ADAMTSL3: variants seen among roughly 807,000 people sequenced by gnomAD.
The protein encoded by ADAMTSL3 is ADAMTS like 3.
A neutral mutation model predicts 201.7 loss-of-function variants in ADAMTSL3; 128 were observed. The observed-to-expected ratio is 0.63, with a 90% CI of 0.55 to 0.73. The LOEUF is 0.73. Among genes scored for constraint, ADAMTSL3 ranks in the 30% least tolerant of loss-of-function variants. The probability of loss-of-function intolerance (pLI) is 0.00; values close to 1 mark genes in which losing one functional copy is unlikely to be tolerated. For missense variants in ADAMTSL3, 1,990 were observed against 2,119.6 expected (o/e 0.94, Z 1.20); for synonymous variants, 738 against 748.4 (o/e 0.99, Z 0.23).
chr15:83,800,547 T>C (rs2063500861), intron 4 of ADAMTSL3, among the ~76,000 whole-genome samples: 1 of 152,254 alleles, frequency 6.6e-6, no homozygotes, highest in South Asian at 2.1e-4. Flanking sequence ...AGTTTCTTTT[T>C]ACAAGAACAG....
At chr15:84,036,365 G>A (rs755178355) in intron 28 of ADAMTSL3, among the ~76,000 whole-genome samples, 16 of 152,178 alleles carry the variant, frequency 1.1e-4, no homozygotes, top group African/African-American at 2.9e-4. Flanking sequence ...TGTTTTGAGC[G>A]CTTACAAACA....
At chr15:84,012,915 A>G (rs1233104965) in intron 23 of ADAMTSL3, among the ~76,000 whole-genome samples, 3 of 152,234 alleles carry the variant, frequency 2.0e-5, no homozygotes, top group Admixed American at 6.5e-5. Flanking sequence ...GTTGAAATCT[A>G]AAGGGCTTTG....
At chr15:83,736,171 C>T (rs901203539) in intron 3 of ADAMTSL3, among the ~76,000 whole-genome samples, 1 of 152,166 alleles carries the variant, frequency 6.6e-6, no homozygotes, top group Non-Finnish European at 1.5e-5. Flanking sequence ...GGTGGGATTA[C>T]ACTGGATTTT....
intron 2 of ADAMTSL3, among the ~76,000 whole-genome samples, chr15:83,692,503 G>A (rs543698458): frequency 2.4e-4 from 36 of 151,908 alleles, no homozygotes; most frequent in African/African-American, 8.0e-4. Flanking sequence ...GGCTAACACC[G>A]TGAAACCCTG....
At chr15:83,706,818 C>T (rs557512691) in intron 3 of ADAMTSL3, among the ~76,000 whole-genome samples, 204 of 145,106 alleles carry the variant, frequency 1.4e-3, no homozygotes, top group African/African-American at 4.9e-3. Context: ...CATGTACCAC[C>T]ACCCCTGGAT....
chr15:83,969,479 C>T (rs183145694), intron 19 of ADAMTSL3, among the ~76,000 whole-genome samples: 38 of 152,186 alleles, frequency 2.5e-4, no homozygotes, highest in African/African-American at 8.2e-4. Context: ...TGGACATGCC[C>T]ATAGGCAGAT....
chr15:84,014,834 T>C, intron 24 of ADAMTSL3, 110 bp downstream of exon 24: 1 of 1,119,754 alleles, frequency 8.9e-7, no homozygotes, highest in Non-Finnish European at 1.3e-6. Context: ...ATCAGATGGT[T>C]TTAACCATTG....
At chr15:83,694,434 G>A (rs1412819347) in intron 2 of ADAMTSL3, 1 of 152,142 alleles carries the variant, frequency 6.6e-6, no homozygotes, top group East Asian at 1.9e-4. Context: ...CTCTAGCAAT[G>A]GAGCCCTGTT....
At chr15:83,657,193 C>CA (rs2061098452) in intron 2 of ADAMTSL3, among the ~76,000 whole-genome samples, 1 of 148,756 alleles carries the variant, frequency 6.7e-6, no homozygotes, top group South Asian at 2.2e-4. Context: ...TGTTCCTGGT[C>CA]AAATGGGGCT....
chr15:83,687,087 C>T (rs1271046332), intron 2 of ADAMTSL3, among the ~76,000 whole-genome samples: 1 of 152,054 alleles, frequency 6.6e-6, no homozygotes, highest in Non-Finnish European at 1.5e-5. Flanking sequence ...TCCTGTTGTC[C>T]TGGCTACTTA....
intron 9 of ADAMTSL3, among the ~76,000 whole-genome samples, chr15:83,879,731 A>G (rs1394217750): frequency 2.0e-5 from 3 of 152,184 alleles, no homozygotes; most frequent in South Asian, 2.1e-4. Context: ...ATGTATGTCA[A>G]TTAGGTCACG....
At chr15:83,821,782 CCGGG>C in intron 6 of ADAMTSL3, among the ~76,000 whole-genome samples, 1 of 151,968 alleles carries the variant, frequency 6.6e-6, no homozygotes, top group Admixed American at 6.6e-5. Flanking sequence ...GGGGTGGTGG[CCGGG>C]CAGAGGGGCT....
rs2141340770 is a variant in ADAMTSL3 at position 83,654,502 on chromosome 15, G to A, written c.-34+226G>A. Among the ~76,000 whole-genome samples, 1 of 152,242 alleles carries A rather than the reference G, an allele frequency of 6.6e-6. No homozygotes were observed. The highest frequency in any genetic ancestry group is 1.5e-5 in the Non-Finnish European group (1 of 68,026). On this transcript the variant is annotated intron_variant, in intron 1 of 29. Transcript: ENST00000286744. This position sits in a 1 kb window ranked among gnomAD's most constrained non-coding sequence, Gnocchi z 5.3. ...CGTGCCGTCCCGGAAGGTTCAGGGA[G>A]AGTCTTTCGGCGGCAGTTCGCGGGC...
intron 3 of ADAMTSL3, among the ~76,000 whole-genome samples, chr15:83,718,590 C>T (rs1357661295): frequency 6.6e-6 from 1 of 151,426 alleles, no homozygotes; most frequent in African/African-American, 2.4e-5. Flanking sequence ...TATATAATCC[C>T]AGCTACACAA....
chr15:83,847,136 C>G (rs1238699052), intron 7 of ADAMTSL3, among the ~76,000 whole-genome samples: 1 of 152,222 alleles, frequency 6.6e-6, no homozygotes, highest in Non-Finnish European at 1.5e-5. Context: ...AGTAATGTGG[C>G]CTAACAGCTC....
chr15:83,666,931 G>A (rs890784224), intron 2 of ADAMTSL3, among the ~76,000 whole-genome samples: 1 of 151,162 alleles, frequency 6.6e-6, no homozygotes, highest in Non-Finnish European at 1.5e-5. Flanking sequence ...TTATTAATTT[G>A]TAAGTACTCC....
rs1567085362 is a variant in ADAMTSL3, at chr15:83,704,452, A to G, written c.133A>G (p.Ser45Gly). ...CGAGTTTGCACTTTCTCCTCAGGGA[A>G]GTTTTCTGGAAGACACAACAGGGGA... ...LPEFALSPQG[S>G]FLEDTTGEQF... The change falls in exon 3 of 30, where the codon AGT (serine) becomes GGT (glycine). Residue 45 changes from serine (S) to glycine (G), a missense_variant. By Grantham distance (56) the Ser-to-Gly change is moderately conservative (BLOSUM62 0). Coordinates refer to ENST00000286744, the MANE Select transcript of ADAMTSL3 (RefSeq NM_207517.3). 5 of 1,614,196 alleles carry G rather than the reference A, an allele frequency of 3.1e-6. No homozygotes were observed. Among genetic ancestry groups the G allele is most frequent in the Admixed American group, 1.7e-5 (1 of 60,022 alleles).
chr15:83,800,102 C>T (rs1484745065), intron 4 of ADAMTSL3, among the ~76,000 whole-genome samples: 3 of 147,974 alleles, frequency 2.0e-5, no homozygotes, highest in Non-Finnish European at 2.9e-5. Flanking sequence ...TAAAAATGGT[C>T]GCCAGGTGGT....
chr15:83,761,121 C>A (rs2062801741), intron 3 of ADAMTSL3, among the ~76,000 whole-genome samples: 2 of 152,002 alleles, frequency 1.3e-5, no homozygotes, highest in Non-Finnish European at 1.5e-5. Flanking sequence ...GGAAGTCATA[C>A]ACTCTTTTCT....
Sources: allele counts gnomAD v4.1 joint callset (sites outside exome capture counted in the v4.1 genomes callset), GRCh38; gene constraint gnomAD v4.1.1; non-coding constraint Gnocchi (gnomAD v3.1); transcripts MANE v1.5; gene names NCBI Gene and HGNC (gene_info 2026-07-23, HGNC 2026-07-21).